Variants in ACBD6 observed in about 807,000 individuals in gnomAD.
ACBD6 encodes the protein acyl-CoA-binding domain-containing protein 6.
In ACBD6, 28 loss-of-function variants were observed where a neutral mutation model predicts 37.2. That is an observed-to-expected ratio of 0.75 (90% CI 0.56 to 1.03). The LOEUF is 1.03. ACBD6 is among the 50% of genes least tolerant of loss of function. The pLI is 0.00. For missense variants in ACBD6, 340 were observed against 337.4 expected (o/e 1.01, Z -0.06); for synonymous variants, 113 against 126.8 (o/e 0.89, Z 0.73).
chr1:180,394,008 C>T (rs898563144), intron 6 of ACBD6, among the ~76,000 whole-genome samples: 3 of 152,262 alleles, frequency 2.0e-5, no homozygotes, highest in African/African-American at 7.2e-5. Context: ...GTAAGAAATC[C>T]GCAAGGCAAA....
At chr1:180,347,426 G>A (rs551957176) in intron 6 of ACBD6, among the ~76,000 whole-genome samples, 40 of 146,522 alleles carry the variant, frequency 2.7e-4, no homozygotes, top group African/African-American at 9.6e-4. Flanking sequence ...GTAAAGTGGC[G>A]TGATCTTGGC....
At chr1:180,477,972 T>A (rs1024771451) in intron 3 of ACBD6, among the ~76,000 whole-genome samples, 2 of 123,290 alleles carry the variant, frequency 1.6e-5, no homozygotes, top group African/African-American at 3.8e-5. Context: ...TGAGACTCCA[T>A]CTCTTTAAAA....
Position 180,274,279 on chromosome 1 carries a change from C to T in ACBD6, c.*937-167G>A, listed in dbSNP as rs770596724. 4.3e-6 allele frequency: 7 copies of T among 1,614,226 alleles called. No individual in the cohort carries two copies. In the Admixed American group the frequency reaches 1.2e-4, roughly 27 times the overall value. ...GACAGTTAATGAATGGGAGCTTCTC[C>T]ATGGACGGGACAGGACAATCCTATC... On this transcript the variant is annotated intron_variant, in intron 10 of 13. Transcript: ENST00000642319.
Position 180,383,446 on chromosome 1 carries a change from T to TA in ACBD6, c.663+14069dup, listed in dbSNP as rs570019256. 3.5e-3 allele frequency among the ~76,000 whole-genome samples: 530 copies of TA among 151,400 alleles called. 2 individuals carry two copies. Among genetic ancestry groups the TA allele is most frequent in the African/African-American group, 0.012 (497 of 41,272 alleles). On this transcript the variant is annotated intron_variant, in intron 6 of 7. Transcript: ENST00000367595. ...AAGGCAATCCCATTTACAATAGCTATAAAAAAAATACCTGGGAATAAATTT... is the reference window on the plus strand; with the variant it reads ...AAGGCAATCCCATTTACAATAGCTATAAAAAAAAATACCTGGGAATAAATTT...
intron 6 of ACBD6, among the ~76,000 whole-genome samples, chr1:180,389,049 A>G (rs1157795320): frequency 6.6e-6 from 1 of 152,228 alleles, no homozygotes; most frequent in Non-Finnish European, 1.5e-5. Flanking sequence ...ACATGTGCAC[A>G]ACGTGCAGGT....
In ACBD6 at chr1:180,502,428, C is replaced by A. The variant is rs368127897; in HGVS notation, c.-162G>T. The A allele has an allele frequency of 1.3e-6, 1 of 746,288 alleles. No individual in the cohort carries two copies. The highest frequency in any genetic ancestry group is 1.5e-5 in the South Asian group (1 of 65,186). 46.2% of individuals were successfully genotyped at this position (746,288 alleles called of 1,614,324 possible). On this transcript the variant is annotated 5_prime_UTR_variant, in exon 1 of 8. Transcript: ENST00000367595. ...CTCCCTCACGTGACCCTGCTCCCTG[C>A]CCACTTCTACTCCCTGGGCGTGCAG...
chr1:180,456,453 T>C (rs1433666699), intron 3 of ACBD6, among the ~76,000 whole-genome samples: 1 of 152,190 alleles, frequency 6.6e-6, no homozygotes, highest in East Asian at 1.9e-4. Flanking sequence ...GTAATTGCTC[T>C]GGTATTTTAT....
At chr1:180,483,077 C>G (rs536955449) in intron 3 of ACBD6, among the ~76,000 whole-genome samples, 1 of 152,250 alleles carries the variant, frequency 6.6e-6, no homozygotes, top group Non-Finnish European at 1.5e-5. Flanking sequence ...GGCTATATTA[C>G]CATGTGCCCA....
At chr1:180,386,523 C>A (rs1314618646) in intron 6 of ACBD6, among the ~76,000 whole-genome samples, 1 of 152,150 alleles carries the variant, frequency 6.6e-6, no homozygotes, top group Non-Finnish European at 1.5e-5. Context: ...TAGTTCCACA[C>A]TCTTTCTCCT....
chr1:180,355,052 T>C (rs1652570161), intron 6 of ACBD6, among the ~76,000 whole-genome samples: 1 of 152,124 alleles, frequency 6.6e-6, no homozygotes, highest in African/African-American at 2.4e-5. Flanking sequence ...CAAAAAAGAT[T>C]TATGTCAATT....
At chr1:180,500,190 C>A (rs1256281148) in intron 1 of ACBD6, among the ~76,000 whole-genome samples, 1 of 147,070 alleles carries the variant, frequency 6.8e-6, no homozygotes, top group African/African-American at 2.5e-5. Flanking sequence ...TTTCCTTTAA[C>A]AAATACAGGG....
chr1:180,317,142 A>G (rs907732302), intron 6 of ACBD6, among the ~76,000 whole-genome samples: 1 of 152,236 alleles, frequency 6.6e-6, no homozygotes, highest in African/African-American at 2.4e-5. Flanking sequence ...CGCACACAGA[A>G]GGTTCTTTCC....
chr1:180,346,053 C>T (rs1446721115), intron 6 of ACBD6, among the ~76,000 whole-genome samples: 2 of 151,998 alleles, frequency 1.3e-5, no homozygotes, highest in African/African-American at 2.4e-5. Context: ...TTTAGAAATC[C>T]CATTCAGCTT....
chr1:180,383,141 T>A (rs558420853), intron 6 of ACBD6, among the ~76,000 whole-genome samples: 1 of 152,280 alleles, frequency 6.6e-6, no homozygotes, highest in South Asian at 2.1e-4. Flanking sequence ...AAGCCAAGAA[T>A]GCCCACTTTC....
At chr1:180,398,497 A>T (rs1263710809) in intron 5 of ACBD6, among the ~76,000 whole-genome samples, 1 of 152,216 alleles carries the variant, frequency 6.6e-6, no homozygotes, top group African/African-American at 2.4e-5. Context: ...CAAAAACACT[A>T]GTACAATCTA....
At chr1:180,380,614 T>TA (rs35481382) in intron 6 of ACBD6, among the ~76,000 whole-genome samples, 72,647 of 149,266 alleles carry the variant, frequency 0.49, 20,149 homozygotes, top group South Asian at 0.66. Context: ...TTTTAAAAGT[T>TA]AAAAAAAAAA....
intron 7 of ACBD6, among the ~76,000 whole-genome samples, chr1:180,289,079 T>C (rs1417045056): frequency 7.2e-6 from 1 of 138,278 alleles, no homozygotes; most frequent in East Asian, 2.1e-4. Flanking sequence ...GTGTAACTGA[T>C]AAGTTCAAGG....
chr1:180,490,266 A>T (rs535446936), intron 3 of ACBD6, among the ~76,000 whole-genome samples: 2 of 152,372 alleles, frequency 1.3e-5, no homozygotes, highest in South Asian at 4.1e-4. Flanking sequence ...TTAAGCCCTC[A>T]GAACCTTGAG....
chr1:180,414,453 A>C (rs1401203597), intron 4 of ACBD6, among the ~76,000 whole-genome samples: 1 of 152,238 alleles, frequency 6.6e-6, no homozygotes, highest in African/African-American at 2.4e-5. Flanking sequence ...TGTCATACAG[A>C]AAGTTATTTC....
Sources: allele counts gnomAD v4.1 joint callset (sites outside exome capture counted in the v4.1 genomes callset), GRCh38; gene constraint gnomAD v4.1.1; transcripts MANE v1.5; gene names NCBI Gene and HGNC (gene_info 2026-07-23, HGNC 2026-07-21).